The following NAV3 variants were observed in gnomAD, a reference collection of about 807,000 sequenced individuals.
NAV3 encodes pore membrane and/or filament interacting like protein 1.
NAV3 carries 87 observed loss-of-function variants against 244.7 expected under a neutral mutation model. The ratio of observed to expected loss-of-function variants is 0.36; its 90% CI spans 0.30 to 0.42. NAV3 has a LOEUF of 0.42. NAV3 is among the 20% of genes least tolerant of loss of function. The pLI is 1.00. For synonymous variants in NAV3, 1,126 were observed against 1,042.2 expected (o/e 1.08, Z -1.55); for missense variants, 2,663 against 2,893.3 (o/e 0.92, Z 1.83).
In NAV3 at chr12:77,609,418, A is replaced by G. The variant is rs992267852; in HGVS notation, c.72+37152A>G. On this transcript the variant is annotated intron_variant, in intron 2 of 8. Transcript: ENST00000550042. ...AGAGACATCAAATGTGGAACGGAAA[A>G]TTTCTTTTATTCCTTCTAGTTGATT... Among the ~76,000 whole-genome samples the G allele has an allele frequency of 9.2e-5, 14 of 151,998 alleles. 2 individuals carry two copies. The highest frequency in any genetic ancestry group is 8.5e-4 in the Admixed American group (13 of 15,208).
At chr12:77,720,336 C>T (rs1876556476) in intron 2 of NAV3, among the ~76,000 whole-genome samples, 2 of 152,172 alleles carry the variant, frequency 1.3e-5, no homozygotes, top group East Asian at 3.9e-4. Context: ...TACCCATCAG[C>T]TGGCTAGTGA....
intron 2 of NAV3, among the ~76,000 whole-genome samples, chr12:77,690,420 C>A (rs1874951981): frequency 6.6e-6 from 1 of 151,766 alleles, no homozygotes; most frequent in African/African-American, 2.4e-5. Flanking sequence ...TCATTACTAA[C>A]AAAGTAGTTA....
In NAV3 at chr12:77,743,748, TA is replaced by T. The variant is rs541299863; in HGVS notation, c.72+171483del. Among the ~76,000 whole-genome samples the T allele has an allele frequency of 1.9e-3, 293 of 151,976 alleles. 2 individuals are homozygous for T. The highest frequency in any genetic ancestry group is 0.01 in the Middle Eastern group (3 of 290). On this transcript the variant is annotated intron_variant, in intron 2 of 8. Coordinates refer to the NAV3 transcript ENST00000550042. ...TCCATATGTATATTATAATAAAGCT[TA>T]TTAATAAGCTTTCATATCTTATAAA... is the stretch of plus-strand genomic sequence containing the variant.
intron 1 of NAV3, among the ~76,000 whole-genome samples, chr12:77,839,945 T>A (rs1050450769): frequency 4.6e-5 from 7 of 152,072 alleles, no homozygotes; most frequent in African/African-American, 7.2e-5. Context: ...TGGTGGCAAG[T>A]GCTTGCCATC....
intron 1 of NAV3, among the ~76,000 whole-genome samples, chr12:77,881,087 A>G (rs1409212849): frequency 6.6e-6 from 1 of 152,222 alleles, no homozygotes; most frequent in African/African-American, 2.4e-5. Context: ...CTAGCCCAGC[A>G]TGACTGTGTC....
intron 11 of NAV3, among the ~76,000 whole-genome samples, chr12:78,051,587 C>T (rs1374718849): frequency 2.0e-5 from 3 of 151,986 alleles, no homozygotes; most frequent in Non-Finnish European, 4.4e-5. Flanking sequence ...CCCAATTTAA[C>T]TTGAGGGAAA....
chr12:78,100,571 T>G (rs34931655), intron 12 of NAV3, among the ~76,000 whole-genome samples: 1 of 151,870 alleles, frequency 6.6e-6, no homozygotes, highest in African/African-American at 2.4e-5. Context: ...GTTCCCTACT[T>G]GCACTCTACC....
At chr12:77,710,764 T>C (rs990876598) in intron 2 of NAV3, among the ~76,000 whole-genome samples, 17 of 152,178 alleles carry the variant, frequency 1.1e-4, no homozygotes, top group African/African-American at 3.1e-4. Context: ...AATAGAAAAA[T>C]GGCACTTTAT....
chr12:78,162,959 TATATATAATATATAATTAAAAC>T (rs1957626949), intron 23 of NAV3, among the ~76,000 whole-genome samples: 1 of 139,432 alleles, frequency 7.2e-6, no homozygotes, highest in African/African-American at 2.7e-5. Flanking sequence ...ATGTAATTTA[TATATATAATATATAATTAAAAC>T]ATATAGGATT....
chr12:77,671,784 A>C lies in NAV3; in HGVS notation c.72+99518A>C, dbSNP rs577723912. Reference sequence around the variant, plus strand: ...TCAAGATGGATCAGACTTAAATCTAAGGCATGAAATCATAAAAATTCTGGA... The same window carrying C: ...TCAAGATGGATCAGACTTAAATCTACGGCATGAAATCATAAAAATTCTGGA... On this transcript the variant is annotated intron_variant, in intron 2 of 8. Coordinates refer to the NAV3 transcript ENST00000550042. Among the ~76,000 whole-genome samples the C allele has an allele frequency of 2.6e-5, 4 of 152,282 alleles. No individual in the cohort carries two copies. The East Asian group carries it at 7.7e-4, about 29-fold the overall frequency.
chr12:78,110,610 A>G (rs1251323830), intron 12 of NAV3, among the ~76,000 whole-genome samples: 1 of 152,026 alleles, frequency 6.6e-6, no homozygotes, highest in Non-Finnish European at 1.5e-5. Flanking sequence ...GCTGGAGACT[A>G]TAGTAGCCAA....
At chr12:78,006,278 G>A (rs1874202703) in intron 7 of NAV3, 141 bp from the exon 8 acceptor site, 2 of 772,924 alleles carry the variant, frequency 2.6e-6, no homozygotes, top group Admixed American at 2.9e-5. Context: ...TCACATCAGA[G>A]AAGTGATTGA....
At chr12:77,694,769 T>G (rs1368098078) in intron 2 of NAV3, among the ~76,000 whole-genome samples, 1 of 152,290 alleles carries the variant, frequency 6.6e-6, no homozygotes, top group East Asian at 1.9e-4. Context: ...AGAGATTGGG[T>G]CACTTGTGAA....
At chr12:77,791,388 A>G (rs1429433557) in intron 2 of NAV3, among the ~76,000 whole-genome samples, 4 of 151,394 alleles carry the variant, frequency 2.6e-5, no homozygotes, top group Non-Finnish European at 2.9e-5. Flanking sequence ...CTTTTATTTC[A>G]TTATTATTTT....
intron 3 of NAV3, among the ~76,000 whole-genome samples, chr12:77,946,122 T>TATA (rs1565946067): frequency 2.3e-3 from 330 of 144,016 alleles, no homozygotes; most frequent in African/African-American, 8.1e-3. Context: ...ATATATATAT[T>TATA]GTGTAAATAT....
intron 1 of NAV3, among the ~76,000 whole-genome samples, chr12:77,857,183 T>C (rs140890996): frequency 6.6e-6 from 1 of 152,208 alleles, no homozygotes; most frequent in Non-Finnish European, 1.5e-5. Flanking sequence ...GGGAGTACAC[T>C]TGAATATGTT....
chr12:77,931,585 G>A (rs1888796143), intron 1 of NAV3, among the ~76,000 whole-genome samples: 2 of 152,010 alleles, frequency 1.3e-5, no homozygotes, highest in South Asian at 4.2e-4. Context: ...ACTTGGAAGC[G>A]GCCAGGTGCG....
chr12:77,793,661 T>C (rs992604342), intron 2 of NAV3, among the ~76,000 whole-genome samples: 6 of 152,242 alleles, frequency 3.9e-5, no homozygotes, highest in African/African-American at 1.4e-4. Flanking sequence ...ACTCATTCTT[T>C]TTTATGGCTG....
rs189638967 is a variant in NAV3, at chr12:77,701,958, G to T, written c.72+129692G>T. On this transcript the variant is annotated intron_variant, in intron 2 of 8. Coordinates refer to the NAV3 transcript ENST00000550042. ...CAAGATATGCACTCTATTGCTATTGGGCATAGTGTTCTAAAGCATCAGTTG... is the reference window on the plus strand; with the variant it reads ...CAAGATATGCACTCTATTGCTATTGTGCATAGTGTTCTAAAGCATCAGTTG... Among the ~76,000 whole-genome samples, 419 of 151,808 alleles carry T rather than the reference G, an allele frequency of 2.8e-3. 3 individuals carry two copies. Among genetic ancestry groups the T allele is most frequent in the African/African-American group, 9.7e-3 (403 of 41,486 alleles).
Sources: gnomAD v4.1 joint callset for allele counts (sites outside exome capture counted in the v4.1 genomes callset) on GRCh38, gnomAD v4.1.1 for gene constraint, MANE v1.5 for transcripts, NCBI Gene and HGNC (gene_info 2026-07-23, HGNC 2026-07-21) for gene names.